The following RPN2 variants were observed in gnomAD, a reference collection of about 807,000 sequenced individuals.
RPN2 encodes the protein ribophorin II, also known as dolichyl-diphosphooligosaccharide--protein glycosyltransferase subunit 2.
Under a neutral mutation model 71.4 loss-of-function variants are expected in RPN2, and 29 were observed. The ratio of observed to expected loss-of-function variants is 0.41; its 90% CI spans 0.30 to 0.55. The LOEUF is 0.55. Ranked by LOEUF, RPN2 falls within the 20% of genes least tolerant of loss-of-function variation. RPN2 has a pLI of 0.35. For synonymous variants in RPN2, 308 were observed against 305.0 expected, an observed-to-expected ratio of 1.01 and a Z score of -0.10; for missense variants, 726 against 774.1, an observed-to-expected ratio of 0.94 and a Z score of 0.74.
At chr20:37,180,223 A>G (rs992214196) in intron 1 of RPN2, among the ~76,000 whole-genome samples, 1 of 152,228 alleles carries the variant, frequency 6.6e-6, no homozygotes, top group African/African-American at 2.4e-5. Context: ...TCAGTGGCTC[A>G]CCGTTTCATT....
In RPN2 at chr20:37,207,188, A is replaced by G. The variant is rs1568977668; in HGVS notation, c.691-85A>G. The stretch of plus-strand genomic sequence containing the variant: ...CCTCCCATGTGAACACCCGAAACAG[A>G]TAAGGGTGACTTTCCTCTACAGCAG... On this transcript the variant is annotated intron_variant, in intron 6 of 16. Transcript: ENST00000237530. 1.1e-5 allele frequency: 12 copies of G among 1,095,112 alleles called. No individual in the cohort carries two copies. The East Asian group carries it at 2.1e-4, about 19-fold the overall frequency. The allele number at this position is 1,095,112 out of a possible 1,614,324, so 67.8% of individuals were successfully genotyped here.
chr20:37,185,841 C>G (rs546017507), intron 2 of RPN2, among the ~76,000 whole-genome samples: 1 of 152,330 alleles, frequency 6.6e-6, no homozygotes, highest in East Asian at 1.9e-4. Context: ...CTTGCCTGGG[C>G]CCTCTGCTTA....
At chr20:37,182,510 C>T (rs933720998) in intron 1 of RPN2, among the ~76,000 whole-genome samples, 4 of 152,158 alleles carry the variant, frequency 2.6e-5, no homozygotes, top group Non-Finnish European at 5.9e-5. Flanking sequence ...CCTACCTCCG[C>T]CTCCCGAGTA....
At chr20:37,181,183 C>A (rs2066863664) in intron 1 of RPN2, among the ~76,000 whole-genome samples, 1 of 151,270 alleles carries the variant, frequency 6.6e-6, no homozygotes, top group Non-Finnish European at 1.5e-5. Flanking sequence ...GAGCCGAGAT[C>A]GCGCCACTGC....
At chr20:37,213,337 C>A (rs1016159211) in intron 8 of RPN2, among the ~76,000 whole-genome samples, 2 of 152,088 alleles carry the variant, frequency 1.3e-5, no homozygotes, top group African/African-American at 4.8e-5. Context: ...TGATTAAGCA[C>A]GAGGGTCAGG....
intron 8 of RPN2, 115 bp downstream of exon 8, chr20:37,210,280 CGA>C (rs1270052415): frequency 5.1e-6 from 8 of 1,560,736 alleles, no homozygotes; most frequent in East Asian, 4.5e-5. Flanking sequence ...CTACTGGTAT[CGA>C]AAGCCTACAG....
intron 2 of RPN2, among the ~76,000 whole-genome samples, chr20:37,196,570 C>A (rs1228745071): frequency 6.6e-6 from 1 of 152,092 alleles, no homozygotes; most frequent in East Asian, 1.9e-4. Flanking sequence ...GCCCTGCCAC[C>A]CATGCCAGAC....
chr20:37,184,588 C>T (rs778320462), intron 2 of RPN2, among the ~76,000 whole-genome samples: 1 of 152,128 alleles, frequency 6.6e-6, no homozygotes, highest in Non-Finnish European at 1.5e-5. Context: ...GTCAGGAGTT[C>T]GAGACCAGCC....
Position 37,233,964 on chromosome 20 carries a change from G to A in RPN2, c.1678-56G>A, listed in dbSNP as rs140361831. 164 of 1,587,490 alleles carry A rather than the reference G, an allele frequency of 1.0e-4. 1 individual carries two copies. In the East Asian group the frequency reaches 2.6e-3, roughly 26 times the overall value. On this transcript the variant is annotated intron_variant, in intron 14 of 16. Transcript: ENST00000237530. ...TGGGATTAGCATTGGCATGGCTTGT[G>A]TTGCTTCCCTTTTAAGTTCTAATGC...
intron 4 of RPN2, among the ~76,000 whole-genome samples, chr20:37,203,548 C>A (rs2067442783): frequency 6.6e-6 from 1 of 151,942 alleles, no homozygotes; most frequent in Admixed American, 6.6e-5. Context: ...CACCATCTTA[C>A]CCAGGCTGGT....
In RPN2 at chr20:37,210,103, A is replaced by G. The variant is rs1320086403; in HGVS notation, c.924A>G (p.Glu308=). Residue 308 remains glutamate, a synonymous_variant, in exon 8 of 17, where the codon GAA becomes GAG. Transcript: ENST00000237530. ...QPLTQATVKL[E]HAKSVASRAT... is the part of the protein sequence containing the mutation. ...TGACTCAGGCCACTGTTAAACTAGA[A>G]CATGCTAAATCTGTTGCTTCCAGAG... 6.2e-7 allele frequency: 1 copy of G among 1,614,206 alleles called. No individual in the cohort carries two copies. Among genetic ancestry groups the G allele is most frequent in the Non-Finnish European group, 8.5e-7 (1 of 1,180,028 alleles).
intron 6 of RPN2, 95 bp from the exon 7 acceptor site, chr20:37,207,178 C>T (rs186677197): frequency 1.0e-6 from 1 of 992,458 alleles, no homozygotes; most frequent in Non-Finnish European, 1.6e-6. Context: ...CATGTGAACA[C>T]CCGAAACAGA....
chr20:37,184,209 A>C lies in RPN2; in HGVS notation c.43A>C (p.Thr15Pro). The C allele has an allele frequency of 6.2e-7, 1 of 1,614,068 alleles. No individual in the cohort carries two copies. Residue 15 changes from threonine to proline, a missense_variant, in exon 2 of 17, where the codon ACA becomes CCA. Physicochemically the swap from Thr to Pro is conservative, Grantham distance 38 (BLOSUM62 -1). Transcript: ENST00000237530. ...GSSTVFLLAL[T>P]IIASTWALTP... ...AAGCACTGTCTTCCTGTTGGCCCTG[A>C]CAATCATAGCCAGCACCTGGGCTCT... is the stretch of plus-strand genomic sequence containing the variant.
intron 2 of RPN2, among the ~76,000 whole-genome samples, chr20:37,196,463 G>T (rs1283500796): frequency 1.3e-5 from 2 of 152,120 alleles, no homozygotes; most frequent in Non-Finnish European, 2.9e-5. Context: ...TCGATCTCCT[G>T]ACCTTGTGAT....
intron 9 of RPN2, among the ~76,000 whole-genome samples, chr20:37,219,942 G>C (rs1421739516): frequency 6.6e-6 from 1 of 152,192 alleles, no homozygotes; most frequent in Non-Finnish European, 1.5e-5. Context: ...GTGCCACGCT[G>C]TCTTGATTAC....
chr20:37,221,619 A>T (rs958673453), intron 9 of RPN2, among the ~76,000 whole-genome samples: 1 of 152,250 alleles, frequency 6.6e-6, no homozygotes, highest in Non-Finnish European at 1.5e-5. Context: ...ACATTTACAG[A>T]TTAAATGAAT....
At chr20:37,233,516 C>T (rs2068305522) in intron 14 of RPN2, among the ~76,000 whole-genome samples, 1 of 152,234 alleles carries the variant, frequency 6.6e-6, no homozygotes, top group Non-Finnish European at 1.5e-5. Flanking sequence ...CTAGATAAAT[C>T]TAGAAGCCTT....
intron 1 of RPN2, among the ~76,000 whole-genome samples, chr20:37,180,538 T>A (rs1240623935): frequency 6.6e-6 from 1 of 152,116 alleles, no homozygotes; most frequent in Non-Finnish European, 1.5e-5. Context: ...AGGTGCTGTT[T>A]TAGGGGAATT....
chr20:37,203,746 A>G, intron 4 of RPN2, 139 bp from the exon 5 acceptor site: 1 of 718,002 alleles, frequency 1.4e-6, no homozygotes, highest in Non-Finnish European at 2.5e-6. Flanking sequence ...GATTATAAGT[A>G]AACTCCTTAA....
Sources: gnomAD v4.1 joint callset for allele counts (sites outside exome capture counted in the v4.1 genomes callset) on GRCh38, gnomAD v4.1.1 for gene constraint, MANE v1.5 for transcripts, NCBI Gene and HGNC (gene_info 2026-07-23, HGNC 2026-07-21) for gene names.